The following POLR2F variants were observed in gnomAD, a reference collection of about 807,000 sequenced individuals.
The protein encoded by POLR2F is RNA polymerase II, I and III subunit F, also known as DNA-directed RNA polymerases I, II, and III subunit RPABC2.
In POLR2F, 12 loss-of-function variants were observed where a neutral mutation model predicts 22.7. The ratio of observed to expected loss-of-function variants is 0.53; its 90% CI spans 0.34 to 0.86. The LOEUF is 0.86. POLR2F is among the 40% of genes least tolerant of loss of function. The pLI is 0.02. For missense variants in POLR2F, 126 were observed against 171.5 expected, an observed-to-expected ratio of 0.73 and a Z score of 1.48; for synonymous variants, 57 against 66.0, an observed-to-expected ratio of 0.86 and a Z score of 0.66.
At chr22:38,021,421 A>G (rs1410416217) in intron 1 of POLR2F, among the ~76,000 whole-genome samples, 1 of 152,110 alleles carries the variant, frequency 6.6e-6, no homozygotes, top group Non-Finnish European at 1.5e-5. Flanking sequence ...AATTTCTCCC[A>G]TCTGTTAAAG....
chr22:38,004,168 T>G (rs149199398), intron 1 of POLR2F, among the ~76,000 whole-genome samples: 54 of 78,150 alleles, frequency 6.9e-4, no homozygotes, highest in African/African-American at 4.2e-3. Context: ...TTTATTCTTT[T>G]GTAGAGATGT....
downstream of POLR2F, among the ~76,000 whole-genome samples, chr22:38,027,100 T>C (rs1396121364): frequency 6.6e-6 from 1 of 152,022 alleles, no homozygotes; most frequent in Non-Finnish European, 1.5e-5. Flanking sequence ...CAGTGTGTCG[T>C]GGAGTGCGAG....
chr22:38,010,613 T>G (rs936916712), intron 1 of POLR2F, among the ~76,000 whole-genome samples: 4 of 133,710 alleles, frequency 3.0e-5, no homozygotes, highest in Non-Finnish European at 3.2e-5. Flanking sequence ...TTTTTTTTTT[T>G]TTTTTTTTTT....
chr22:38,034,538 G>A (rs2085096631), intron 5 of POLR2F, among the ~76,000 whole-genome samples: 1 of 152,196 alleles, frequency 6.6e-6, no homozygotes, highest in Non-Finnish European at 1.5e-5. Context: ...GGGTGCGGAG[G>A]CAGCCAAGAG....
chr22:38,025,912 G>A, exon 2 of POLR2F: 2 of 747,456 alleles, frequency 2.7e-6, no homozygotes, highest in Non-Finnish European at 4.9e-6. Flanking sequence ...ACATGGGATG[G>A]ACTCAGGAGC....
intron 1 of POLR2F, among the ~76,000 whole-genome samples, chr22:37,992,272 A>G (rs1932742500): frequency 6.6e-6 from 1 of 152,218 alleles, no homozygotes; most frequent in Non-Finnish European, 1.5e-5. Context: ...AACACTTAAG[A>G]CAGGGTCTGG....
At position 37,986,545 on chromosome 22, in the gene POLR2F, G is replaced by A. The variant is rs1932585250; in HGVS notation, c.120+233G>A. On this transcript the variant is annotated intron_variant, in intron 1 of 2. Transcript: ENST00000333418. This position sits in a 1 kb window ranked among gnomAD's most constrained non-coding sequence, Gnocchi z 4.7. ...GGTCCAGCTGTGCCAGGATGGGGGT[G>A]GGGGTAGCAGTGGGCACGCTCTGTC... 9.9e-7 allele frequency: 1 copy of A among 1,009,558 alleles called. No homozygotes were observed. The allele number at this position is 1,009,558 out of a possible 1,614,324, so 62.5% of individuals were successfully genotyped here. A position where few individuals can be genotyped will look rare whatever the true frequency, so the allele number is the denominator to read the frequency against.
chr22:37,956,937 T>C, intron 2 of POLR2F, 95 bp downstream of exon 2: 1 of 957,808 alleles, frequency 1.0e-6, no homozygotes. Flanking sequence ...CTTCTATTTG[T>C]GGTCAAGGCC....
At chr22:38,022,115 A>C (rs2084964726) in intron 1 of POLR2F, among the ~76,000 whole-genome samples, 1 of 132,254 alleles carries the variant, frequency 7.6e-6, no homozygotes, top group Non-Finnish European at 1.6e-5. Context: ...TGGGTGACAG[A>C]GGGATACTGT....
At chr22:37,990,969 G>T (rs993733478) in intron 1 of POLR2F, among the ~76,000 whole-genome samples, 9 of 152,224 alleles carry the variant, frequency 5.9e-5, no homozygotes, top group African/African-American at 2.2e-4. Flanking sequence ...GGGAAACACT[G>T]CTTTCTGCTT....
downstream of POLR2F, among the ~76,000 whole-genome samples, chr22:38,031,629 C>T (rs1207994711): frequency 6.6e-6 from 1 of 152,156 alleles, no homozygotes; most frequent in Non-Finnish European, 1.5e-5. This position sits in a 1 kb window ranked among gnomAD's most constrained non-coding sequence, Gnocchi z 4.1. Context: ...ACAGGTGTCC[C>T]GGCTGAGTGG....
chr22:38,026,297 G>C, exon 3 of POLR2F: 1 of 532,934 alleles, frequency 1.9e-6, no homozygotes, highest in South Asian at 1.4e-5. Context: ...CTTGACCCAA[G>C]CATGGACAAG....
chr22:37,955,421 C>G (rs1931347726), intron 1 of POLR2F, among the ~76,000 whole-genome samples: 1 of 151,624 alleles, frequency 6.6e-6, no homozygotes, highest in African/African-American at 2.4e-5. Flanking sequence ...TGCCTATAAT[C>G]CCAGCTACTC....
At chr22:38,001,958 G>T (rs1000802079) in intron 1 of POLR2F, among the ~76,000 whole-genome samples, 3 of 152,032 alleles carry the variant, frequency 2.0e-5, no homozygotes, top group African/African-American at 7.2e-5. Context: ...CTCCTGAGTA[G>T]CTGGGATTAC....
chr22:38,036,559 G>T (rs73419803), intron 5 of POLR2F, among the ~76,000 whole-genome samples: 3,078 of 149,874 alleles, frequency 0.021, 111 homozygotes, highest in African/African-American at 0.073. Flanking sequence ...CTTACTGAAA[G>T]AATGATTTGG....
upstream of POLR2F, among the ~76,000 whole-genome samples, chr22:37,981,210 C>T (rs1391334840): frequency 3.3e-5 from 5 of 152,344 alleles, no homozygotes; most frequent in African/African-American, 9.6e-5. Flanking sequence ...CTAACCACCC[C>T]ACTTCTTGAC....
Position 37,967,959 on chromosome 22 carries a change from C to T in POLR2F, c.*244C>T. ...CCCCTTTGGATCCCCCACATCCTTC[C>T]CTCCATCTCCCTGTTCCCCAGAGCA... On this transcript the variant is annotated 3_prime_UTR_variant, in exon 5 of 5. Transcript: ENST00000442738. 1.7e-6 allele frequency: 2 copies of T among 1,154,390 alleles called. No homozygotes were observed. Among genetic ancestry groups the T allele is most frequent in the Non-Finnish European group, 2.1e-6 (2 of 936,434 alleles). The allele number at this position is 1,154,390 out of a possible 1,614,324, so 71.5% of individuals were successfully genotyped here.
intron 5 of POLR2F, among the ~76,000 whole-genome samples, chr22:38,039,039 G>A (rs942175403): frequency 2.0e-5 from 3 of 152,176 alleles, no homozygotes; most frequent in East Asian, 3.9e-4. Context: ...GCCAGGCCTC[G>A]TCCCTGCATG....
intron 5 of POLR2F, chr22:38,040,716 A>G: frequency 2.7e-6 from 1 of 375,712 alleles, no homozygotes; most frequent in Non-Finnish European, 4.9e-6. Context: ...GCAATGGTTA[A>G]CTCCTGTGGG....
Sources: allele counts gnomAD v4.1 joint callset (sites outside exome capture counted in the v4.1 genomes callset), GRCh38; gene constraint gnomAD v4.1.1; non-coding constraint Gnocchi (gnomAD v3.1); transcripts MANE v1.5; gene names NCBI Gene and HGNC (gene_info 2026-07-23, HGNC 2026-07-21).